The following H2BC5 variants were observed in gnomAD, a reference collection of about 807,000 sequenced individuals.
H2BC5 encodes the protein H2B clustered histone 5.
Under a neutral mutation model 5.7 loss-of-function variants are expected in H2BC5, and 9 were observed. That is an observed-to-expected ratio of 1.57 (90% confidence interval 0.95 to 2.74). H2BC5 has a LOEUF of 2.74. Ranked by LOEUF, H2BC5 falls within the 30% of genes most tolerant of loss-of-function variation. H2BC5 has a pLI of 0.00. For missense variants in H2BC5, 175 were observed against 168.8 expected, an observed-to-expected ratio of 1.04 and a Z score of -0.20; for synonymous variants, 133 against 70.9, an observed-to-expected ratio of 1.88 and a Z score of -4.40.
chr6:26,165,952 G>A (rs1427408174), intron 1 of H2BC5, among the ~76,000 whole-genome samples: 4 of 152,202 alleles, frequency 2.6e-5, no homozygotes, highest in African/African-American at 7.2e-5. Context: ...GAATGACAAT[G>A]GAATGGCTGA....
rs148354918 is a variant in H2BC5 at position 26,165,991 on chromosome 6, G to A, written c.*10-4984G>A. Among the ~76,000 whole-genome samples the A allele has an allele frequency of 5.3e-5, 8 of 152,332 alleles. No individual in the cohort carries two copies. In the East Asian group the frequency reaches 5.8e-4, roughly 11 times the overall value. On this transcript the variant is annotated intron_variant, in intron 1 of 1. Transcript: ENST00000289316. The stretch of plus-strand genomic sequence containing the variant: ...CTGCTGTCATCAGAAGCTAGGGAGG[G>A]TGATGAAGGACTGACCCACACAGAC...
intron 1 of H2BC5, among the ~76,000 whole-genome samples, chr6:26,165,153 C>T (rs982782934): frequency 1.3e-5 from 2 of 152,202 alleles, no homozygotes; most frequent in Non-Finnish European, 2.9e-5. Context: ...ATCCTCTCCC[C>T]TTGGATTTTT....
chr6:26,162,990 TG>T (rs1764372940), downstream of H2BC5, among the ~76,000 whole-genome samples: 2 of 152,242 alleles, frequency 1.3e-5, 1 homozygote, highest in African/African-American at 4.8e-5. Context: ...TGTTGATTCA[TG>T]CTTTTATTCC....
rs746910759 is a variant in H2BC5, at chr6:26,158,557, C to T, written c.*7C>T. The T allele has an allele frequency of 1.7e-5, 27 of 1,613,948 alleles. No individual in the cohort carries two copies. The Admixed American group carries it at 3.7e-4, about 22-fold the overall frequency. The stretch of plus-strand genomic sequence containing the variant: ...GTACACCAGTTCCAAGTAACTTTGC[C>T]AAGTAAGCATCTTTACACCTAATCC... On this transcript the variant is annotated 3_prime_UTR_variant, in exon 1 of 1. Coordinates refer to ENST00000377777, the MANE Select transcript of H2BC5 (RefSeq NM_021063.4).
downstream of H2BC5, among the ~76,000 whole-genome samples, chr6:26,163,037 T>A (rs1210449570): frequency 2.0e-5 from 3 of 152,200 alleles, no homozygotes; most frequent in East Asian, 5.8e-4. Flanking sequence ...TATACTATTA[T>A]TTTAAATAAT....
chr6:26,158,568 C>A lies in H2BC5; in HGVS notation c.*18C>A. On this transcript the variant is annotated 3_prime_UTR_variant, in exon 1 of 1. Transcript: ENST00000377777. ...CCAAGTAACTTTGCCAAGTAAGCAT[C>A]TTTACACCTAATCCCAAAGGCTCTT... The A allele has an allele frequency of 6.2e-7, 1 of 1,612,582 alleles. No homozygotes were observed. Among genetic ancestry groups the A allele is most frequent in the Non-Finnish European group, 8.5e-7 (1 of 1,179,350 alleles).
chr6:26,162,454 G>C (rs535680475), downstream of H2BC5, among the ~76,000 whole-genome samples: 1 of 152,164 alleles, frequency 6.6e-6, no homozygotes, highest in South Asian at 2.1e-4. Context: ...TGACTTCGGT[G>C]GTTGATGATT....
intron 1 of H2BC5, among the ~76,000 whole-genome samples, chr6:26,169,254 C>T (rs180892749): frequency 5.3e-5 from 8 of 152,234 alleles, no homozygotes; most frequent in Non-Finnish European, 8.8e-5. Flanking sequence ...TCATGAAGTA[C>T]GCAAAACTCC....
chr6:26,163,937 G>A (rs562735388), intron 1 of H2BC5: 2 of 244,170 alleles, frequency 8.2e-6, no homozygotes, highest in Admixed American at 4.6e-5. Flanking sequence ...CATTTCCTCC[G>A]GCACATGTTA....
At chr6:26,168,243 G>A (rs940040646) in intron 1 of H2BC5, among the ~76,000 whole-genome samples, 1 of 152,072 alleles carries the variant, frequency 6.6e-6, no homozygotes, top group African/African-American at 2.4e-5. Flanking sequence ...CAGATCACCT[G>A]AGGTCGGGAG....
intron 1 of H2BC5, among the ~76,000 whole-genome samples, chr6:26,169,873 C>T (rs919183855): frequency 6.6e-6 from 1 of 151,596 alleles, no homozygotes; most frequent in African/African-American, 2.4e-5. Flanking sequence ...TGCACTCCAG[C>T]CTGGGTGGCA....
At chr6:26,164,208 GC>G in intron 1 of H2BC5, 1 of 415,830 alleles carries the variant, frequency 2.4e-6, no homozygotes, top group South Asian at 2.2e-5. Context: ...AGGAAGCAGT[GC>G]CCCTCTCAGT....
At chr6:26,164,634 T>C (rs1274430526) in intron 1 of H2BC5, among the ~76,000 whole-genome samples, 1 of 151,752 alleles carries the variant, frequency 6.6e-6, no homozygotes, top group Non-Finnish European at 1.5e-5. Flanking sequence ...TATTGATAGT[T>C]CATCTGGATT....
downstream of H2BC5, among the ~76,000 whole-genome samples, chr6:26,161,826 C>A (rs999738434): frequency 4.6e-5 from 7 of 152,028 alleles, no homozygotes; most frequent in African/African-American, 1.7e-4. Context: ...AAAATATGAT[C>A]TGACGTTGAC....
intron 1 of H2BC5, among the ~76,000 whole-genome samples, chr6:26,167,363 G>A (rs924008010): frequency 1.3e-5 from 2 of 152,170 alleles, no homozygotes; most frequent in Admixed American, 1.3e-4. Context: ...CTGTTAAGGG[G>A]CAGGTTTCTC....
At position 26,158,367 on chromosome 6, in the gene H2BC5, C is replaced by T. The variant is rs769305558; in HGVS notation, c.198C>T (p.Phe66=). The T allele has an allele frequency of 1.2e-6, 2 of 1,614,282 alleles. No individual in the cohort carries two copies. Among genetic ancestry groups the T allele is most frequent in the South Asian group, 1.1e-5 (1 of 91,092 alleles). Residue 66 remains phenylalanine, a synonymous_variant, in exon 1 of 1, where the codon TTC becomes TTT. Transcript: ENST00000377777. Reference sequence around the variant, plus strand: ...AGGCAATGGGGATCATGAATTCCTTCGTCAACGACATCTTCGAGCGCATCG... The same window carrying T: ...AGGCAATGGGGATCATGAATTCCTTTGTCAACGACATCTTCGAGCGCATCG... ...SSKAMGIMNS[F]VNDIFERIAG... is the part of the protein sequence containing the mutation.
At chr6:26,164,104 A>G (rs1764386938) in intron 1 of H2BC5, 1 of 451,802 alleles carries the variant, frequency 2.2e-6, no homozygotes, top group South Asian at 1.9e-5. Context: ...GCAAATTCCA[A>G]AGTCTTGAAG....
chr6:26,169,186 G>C lies in H2BC5; in HGVS notation c.*10-1789G>C, dbSNP rs575862697. Among the ~76,000 whole-genome samples, 14 of 152,220 alleles carry C rather than the reference G, an allele frequency of 9.2e-5. No homozygotes were observed. In the East Asian group the frequency reaches 2.7e-3, roughly 29 times the overall value. On this transcript the variant is annotated intron_variant, in intron 1 of 1. Transcript: ENST00000289316. ...AACAGATTAACACTCAGCAGAGAGA[G>C]GTATAAAGAAAAGAAATCAAATAGA...
At chr6:26,166,493 T>C (rs1764426169) in intron 1 of H2BC5, among the ~76,000 whole-genome samples, 1 of 152,122 alleles carries the variant, frequency 6.6e-6, no homozygotes, top group South Asian at 2.1e-4. Context: ...TTGTTTTTCC[T>C]ATGCTGCTTC....
Sources: gnomAD v4.1 joint callset for allele counts (sites outside exome capture counted in the v4.1 genomes callset) on GRCh38, gnomAD v4.1.1 for gene constraint, MANE v1.5 for transcripts, NCBI Gene and HGNC (gene_info 2026-07-23, HGNC 2026-07-21) for gene names.